Variants in NKAIN3 observed in about 807,000 individuals in gnomAD.
NKAIN3 encodes the protein sodium/potassium-transporting ATPase subunit beta-1-interacting protein 3.
In NKAIN3, 25 loss-of-function variants were observed where a neutral mutation model predicts 30.2. The ratio of observed to expected loss-of-function variants is 0.83; its 90% CI spans 0.60 to 1.16. NKAIN3 has a LOEUF of 1.16. Among genes scored for constraint, NKAIN3 ranks in the 50% most tolerant of loss-of-function variants. The pLI, the probability that NKAIN3 is intolerant of heterozygous loss-of-function variation, is 0.00. For missense variants in NKAIN3, 225 were observed against 254.1 expected (o/e 0.89, Z 0.78); for synonymous variants, 91 against 89.6 (o/e 1.02, Z -0.09).
intron 3 of NKAIN3, among the ~76,000 whole-genome samples, chr8:62,739,318 G>A (rs1815786512): frequency 6.6e-6 from 1 of 151,858 alleles, no homozygotes; most frequent in African/African-American, 2.4e-5. Context: ...TTATCTATTT[G>A]TAAACTGTGG....
chr8:62,954,027 C>A, intron 6 of NKAIN3, 55 bp downstream of exon 6: 1 of 562,692 alleles, frequency 1.8e-6, no homozygotes, highest in Non-Finnish European at 2.3e-6. Flanking sequence ...TCAGCCAAAA[C>A]TAACCAAAAG....
At chr8:62,542,425 C>T (rs956741198) in intron 1 of NKAIN3, among the ~76,000 whole-genome samples, 5 of 151,874 alleles carry the variant, frequency 3.3e-5, no homozygotes, top group East Asian at 3.9e-4. Flanking sequence ...ACTTTATTTG[C>T]GTAACTATGA....
Position 62,537,377 on chromosome 8 carries a change from A to G in NKAIN3, c.55-42162A>G, listed in dbSNP as rs1021823967. Among the ~76,000 whole-genome samples, 4 of 152,200 alleles carry G rather than the reference A, an allele frequency of 2.6e-5. No individual in the cohort carries two copies. The South Asian group carries it at 8.3e-4, about 32-fold the overall frequency. ...ATATGCCTTTATTTAAATTTCACAT[A>G]ATATTCTTTCTACTTAAGCAGTTCT... On this transcript the variant is annotated intron_variant, in intron 1 of 6. Transcript: ENST00000623646.
At chr8:62,825,198 G>A (rs1332486700) in intron 4 of NKAIN3, among the ~76,000 whole-genome samples, 3 of 152,220 alleles carry the variant, frequency 2.0e-5, no homozygotes, top group Non-Finnish European at 4.4e-5. Flanking sequence ...GTATGTGTTA[G>A]AAAGTAGACT....
At chr8:62,662,124 T>C (rs1812965115) in intron 3 of NKAIN3, among the ~76,000 whole-genome samples, 2 of 152,226 alleles carry the variant, frequency 1.3e-5, no homozygotes, top group East Asian at 3.9e-4. Context: ...CCTTTTTCAA[T>C]AGGGAACAGA....
intron 1 of NKAIN3, among the ~76,000 whole-genome samples, chr8:62,378,119 T>A (rs1228706017): frequency 6.6e-6 from 1 of 152,100 alleles, no homozygotes; most frequent in African/African-American, 2.4e-5. Flanking sequence ...CAGGCTGAGG[T>A]GGTGTCAGTC....
At chr8:62,400,843 C>A (rs80063416) in intron 1 of NKAIN3, among the ~76,000 whole-genome samples, 1 of 152,138 alleles carries the variant, frequency 6.6e-6, no homozygotes, top group African/African-American at 2.4e-5. Flanking sequence ...CTTTTAGAAT[C>A]CTTTCTTTAT....
intron 1 of NKAIN3, among the ~76,000 whole-genome samples, chr8:62,302,643 G>T (rs1814088410): frequency 6.6e-6 from 1 of 151,950 alleles, no homozygotes; most frequent in Admixed American, 6.6e-5. Context: ...GGACATAAAA[G>T]GTGCTCAATG....
intron 1 of NKAIN3, among the ~76,000 whole-genome samples, chr8:62,416,307 G>A (rs1345368627): frequency 6.6e-6 from 1 of 152,042 alleles, no homozygotes; most frequent in Non-Finnish European, 1.5e-5. Flanking sequence ...GTTTTGTGAG[G>A]GTGAAGAAGC....
chr8:62,316,740 T>C (rs1814648875), intron 1 of NKAIN3, among the ~76,000 whole-genome samples: 1 of 152,146 alleles, frequency 6.6e-6, no homozygotes, highest in Admixed American at 6.6e-5. Flanking sequence ...AATAAACATA[T>C]GTGTGCGTAT....
intron 1 of NKAIN3, among the ~76,000 whole-genome samples, chr8:62,278,335 A>G (rs1813035553): frequency 6.6e-6 from 1 of 152,044 alleles, no homozygotes; most frequent in Non-Finnish European, 1.5e-5. Context: ...GACCCACTGT[A>G]CAAAGCATAA....
At chr8:62,293,254 G>A (rs777896569) in intron 1 of NKAIN3, among the ~76,000 whole-genome samples, 20 of 152,070 alleles carry the variant, frequency 1.3e-4, no homozygotes, top group Non-Finnish European at 1.8e-4. Flanking sequence ...GTCATTCTCC[G>A]TCCAGCTTTG....
intron 3 of NKAIN3, among the ~76,000 whole-genome samples, chr8:62,686,070 G>A (rs1245445847): frequency 1.3e-5 from 2 of 152,128 alleles, no homozygotes; most frequent in Non-Finnish European, 2.9e-5. Context: ...TTGACAGCCT[G>A]CAGCTACCAG....
At chr8:62,638,374 C>T (rs1266860318) in intron 3 of NKAIN3, among the ~76,000 whole-genome samples, 1 of 152,134 alleles carries the variant, frequency 6.6e-6, no homozygotes, top group African/African-American at 2.4e-5. Flanking sequence ...GTAGAACATA[C>T]AGGGACTAGT....
chr8:62,649,206 T>G (rs1586048205), intron 3 of NKAIN3, among the ~76,000 whole-genome samples: 1 of 152,330 alleles, frequency 6.6e-6, no homozygotes, highest in Non-Finnish European at 1.5e-5. Flanking sequence ...CTGTAATGTC[T>G]ATTGTGGATT....
chr8:62,444,837 G>A (rs1805432574), intron 1 of NKAIN3, among the ~76,000 whole-genome samples: 1 of 152,092 alleles, frequency 6.6e-6, no homozygotes, highest in Admixed American at 6.6e-5. Flanking sequence ...ATGTACTAGT[G>A]TTCTGCCTTC....
At chr8:62,255,678 G>A (rs577556255) in intron 1 of NKAIN3, among the ~76,000 whole-genome samples, 16 of 152,280 alleles carry the variant, frequency 1.1e-4, no homozygotes, top group African/African-American at 2.9e-4. Context: ...TTGGACTTAC[G>A]GGTGGCAGAA....
chr8:62,545,874 GTCCAATTGCTT>G (rs1028340610), intron 1 of NKAIN3, among the ~76,000 whole-genome samples: 1 of 152,144 alleles, frequency 6.6e-6, no homozygotes. Flanking sequence ...TTAATGGAAG[GTCCAATTGCTT>G]TCCAAAAAGG....
At chr8:62,339,387 C>A (rs1326942460) in intron 1 of NKAIN3, among the ~76,000 whole-genome samples, 1 of 152,008 alleles carries the variant, frequency 6.6e-6, no homozygotes, top group East Asian at 1.9e-4. Flanking sequence ...GAAGCTCAGT[C>A]TGACTGCTGC....
Sources: gnomAD v4.1 joint callset for allele counts (sites outside exome capture counted in the v4.1 genomes callset) on GRCh38, gnomAD v4.1.1 for gene constraint, MANE v1.5 for transcripts, NCBI Gene and HGNC (gene_info 2026-07-23, HGNC 2026-07-21) for gene names.